GPC6: variants seen among roughly 807,000 people sequenced by gnomAD.
GPC6 encodes glypican-6.
A neutral mutation model predicts 55.2 loss-of-function variants in GPC6; 14 were observed. That is an observed-to-expected ratio of 0.25 (90% CI 0.17 to 0.40). The LOEUF (loss-of-function observed/expected upper bound fraction) is 0.40. Ranked by LOEUF, GPC6 falls within the 10% of genes least tolerant of loss-of-function variation. The pLI, the probability that GPC6 is intolerant of heterozygous loss-of-function variation, is 1.00. For missense variants in GPC6, 641 were observed against 708.5 expected (o/e 0.90, Z 1.08); for synonymous variants, 278 against 259.6 (o/e 1.07, Z -0.68).
At chr13:93,485,322 C>T (rs1200044503) in intron 1 of GPC6, among the ~76,000 whole-genome samples, 4 of 152,104 alleles carry the variant, frequency 2.6e-5, no homozygotes, top group Non-Finnish European at 5.9e-5. Flanking sequence ...AAAGCATAAT[C>T]CAGCCAAACT....
chr13:93,712,066 G>C (rs1164119930), intron 2 of GPC6, among the ~76,000 whole-genome samples: 1 of 151,680 alleles, frequency 6.6e-6, no homozygotes, highest in Non-Finnish European at 1.5e-5. Flanking sequence ...ATCCTTGCAT[G>C]GCAGCCTGTG....
chr13:93,566,029 T>C (rs1876093444), intron 2 of GPC6, among the ~76,000 whole-genome samples: 1 of 152,056 alleles, frequency 6.6e-6, no homozygotes. Flanking sequence ...AGTGAGTGAA[T>C]TACCTTTTGA....
At chr13:93,239,439 T>A (rs1876354819) in intron 1 of GPC6, among the ~76,000 whole-genome samples, 1 of 151,714 alleles carries the variant, frequency 6.6e-6, no homozygotes, top group African/African-American at 2.4e-5. Flanking sequence ...ATACAAAAGA[T>A]CATCTCAGAT....
At chr13:94,132,115 A>G (rs1887023937) in intron 4 of GPC6, among the ~76,000 whole-genome samples, 1 of 152,096 alleles carries the variant, frequency 6.6e-6, no homozygotes, top group Admixed American at 6.6e-5. Flanking sequence ...GAGCGCACGG[A>G]GGCCATGATG....
At chr13:93,594,030 G>A (rs983393887) in intron 2 of GPC6, among the ~76,000 whole-genome samples, 8 of 151,910 alleles carry the variant, frequency 5.3e-5, no homozygotes, top group Non-Finnish European at 8.8e-5. Flanking sequence ...CATCTGTATT[G>A]GCTTTTATAT....
intron 2 of GPC6, among the ~76,000 whole-genome samples, chr13:93,580,302 A>G (rs1186457504): frequency 6.6e-6 from 1 of 152,198 alleles, no homozygotes; most frequent in African/African-American, 2.4e-5. Flanking sequence ...AAGCCCTACC[A>G]ATGAATACCA....
chr13:93,593,791 T>C (rs1194335797), intron 2 of GPC6, among the ~76,000 whole-genome samples: 1 of 152,188 alleles, frequency 6.6e-6, no homozygotes, highest in African/African-American at 2.4e-5. Context: ...ATAATGATCA[T>C]CTTTTGGAAG....
At chr13:93,304,309 G>A (rs1033818762) in intron 1 of GPC6, among the ~76,000 whole-genome samples, 6 of 152,340 alleles carry the variant, frequency 3.9e-5, no homozygotes, top group Admixed American at 3.9e-4. Context: ...GACCAAGGCT[G>A]TGAGGCATAG....
intron 1 of GPC6, among the ~76,000 whole-genome samples, chr13:93,371,148 T>C (rs1250974082): frequency 1.3e-5 from 2 of 152,130 alleles, no homozygotes; most frequent in Non-Finnish European, 2.9e-5. Flanking sequence ...TCTTGACATA[T>C]GCATTTTTCC....
chr13:93,303,512 C>A (rs1878751439), intron 1 of GPC6, among the ~76,000 whole-genome samples: 1 of 152,062 alleles, frequency 6.6e-6, no homozygotes, highest in Non-Finnish European at 1.5e-5. Flanking sequence ...ATAACCCAAC[C>A]CATGCCAAAG....
At chr13:94,304,727 A>G (rs1325143105) in intron 5 of GPC6, among the ~76,000 whole-genome samples, 1 of 152,212 alleles carries the variant, frequency 6.6e-6, no homozygotes, top group Non-Finnish European at 1.5e-5. Flanking sequence ...TCTCCACACC[A>G]CCCTGAGTGA....
intron 2 of GPC6, among the ~76,000 whole-genome samples, chr13:93,675,541 A>AT (rs1355939747): frequency 3.3e-5 from 5 of 152,082 alleles, no homozygotes; most frequent in Non-Finnish European, 7.4e-5. Flanking sequence ...CAGATTCAGC[A>AT]TTTGTTTTGT....
chr13:94,279,370 C>G, intron 4 of GPC6, among the ~76,000 whole-genome samples: 1 of 90,104 alleles, frequency 1.1e-5, no homozygotes, highest in South Asian at 4.1e-4. Context: ...TTTTGTTGAT[C>G]TTTTTCAAAA....
At chr13:94,055,094 C>T (rs1041290554) in intron 4 of GPC6, among the ~76,000 whole-genome samples, 2 of 152,112 alleles carry the variant, frequency 1.3e-5, no homozygotes, top group African/African-American at 2.4e-5. Context: ...TGGATATTGT[C>T]GTCTGACAGG....
intron 4 of GPC6, among the ~76,000 whole-genome samples, chr13:94,259,701 T>C (rs1891602403): frequency 6.6e-6 from 1 of 152,186 alleles, no homozygotes; most frequent in Non-Finnish European, 1.5e-5. Flanking sequence ...GCCACTCTAT[T>C]TCCTATCTCT....
intron 1 of GPC6, among the ~76,000 whole-genome samples, chr13:93,393,050 A>C (rs1875688931): frequency 6.6e-6 from 1 of 150,766 alleles, no homozygotes; most frequent in African/African-American, 2.5e-5. Context: ...AATTTGAGAG[A>C]TATAGATAGA....
At chr13:94,348,137 C>A (rs1045106797) in intron 6 of GPC6, among the ~76,000 whole-genome samples, 10 of 152,196 alleles carry the variant, frequency 6.6e-5, no homozygotes, top group African/African-American at 2.2e-4. Context: ...TTCTTTTAGC[C>A]TATAAGGGCC....
At chr13:93,663,967 T>C (rs746307583) in intron 2 of GPC6, among the ~76,000 whole-genome samples, 1 of 152,186 alleles carries the variant, frequency 6.6e-6, no homozygotes, top group African/African-American at 2.4e-5. Context: ...AAGCAGGATT[T>C]TGGTCTTTTT....
chr13:94,058,920 A>G (rs1431136849), intron 4 of GPC6, among the ~76,000 whole-genome samples: 1 of 152,184 alleles, frequency 6.6e-6, no homozygotes, highest in Non-Finnish European at 1.5e-5. Context: ...TTTCTTCATC[A>G]TTCTTTCAAT....
Sources: allele counts gnomAD v4.1 joint callset (sites outside exome capture counted in the v4.1 genomes callset), GRCh38; gene constraint gnomAD v4.1.1; transcripts MANE v1.5; gene names NCBI Gene and HGNC (gene_info 2026-07-23, HGNC 2026-07-21).